ST8SIA1: variants seen among roughly 807,000 people sequenced by gnomAD.
The protein encoded by ST8SIA1 is ST8 alpha-N-acetyl-neuraminide alpha-2,8-sialyltransferase 1.
ST8SIA1 carries 16 observed loss-of-function variants against 35.9 expected under a neutral mutation model. The ratio of observed to expected loss-of-function variants is 0.45; its 90% CI spans 0.30 to 0.68. The LOEUF (loss-of-function observed/expected upper bound fraction) is 0.68, where lower values mean the gene tolerates loss of function less well. Among genes scored for constraint, ST8SIA1 ranks in the 30% least tolerant of loss-of-function variants. ST8SIA1 has a pLI of 0.09. For synonymous variants in ST8SIA1, 170 were observed against 169.6 expected (o/e 1.00, Z -0.02); for missense variants, 383 against 453.6 (o/e 0.84, Z 1.41).
At chr12:22,256,191 T>G (rs1383699650) in intron 2 of ST8SIA1, among the ~76,000 whole-genome samples, 1 of 152,202 alleles carries the variant, frequency 6.6e-6, no homozygotes, top group Non-Finnish European at 1.5e-5. Context: ...GGTGGGTCTG[T>G]CTAGAGCTTA....
At chr12:22,291,896 C>T (rs1866180969) in intron 1 of ST8SIA1, among the ~76,000 whole-genome samples, 1 of 151,948 alleles carries the variant, frequency 6.6e-6, no homozygotes, top group Non-Finnish European at 1.5e-5. Flanking sequence ...TAAGTCAGAG[C>T]GTGTCTGGAA....
chr12:22,271,937 T>C (rs942053577), intron 2 of ST8SIA1, among the ~76,000 whole-genome samples: 1 of 152,228 alleles, frequency 6.6e-6, no homozygotes, highest in African/African-American at 2.4e-5. Context: ...ACATAATCTA[T>C]GACATTTTAT....
intron 4 of ST8SIA1, among the ~76,000 whole-genome samples, chr12:22,222,324 A>G (rs1865308868): frequency 6.6e-6 from 1 of 152,192 alleles, no homozygotes; most frequent in Admixed American, 6.5e-5. Context: ...CATGTTCAGC[A>G]AGAGAAGCTG....
intron 1 of ST8SIA1, among the ~76,000 whole-genome samples, chr12:22,318,129 T>C (rs1483977376): frequency 6.6e-6 from 1 of 152,226 alleles, no homozygotes; most frequent in Non-Finnish European, 1.5e-5. Flanking sequence ...GTTTGATTAA[T>C]ACACTTGCAT....
At position 22,232,407 on chromosome 12, in the gene ST8SIA1, T is replaced by C. The variant is rs186828125; in HGVS notation, c.584+16599A>G. ...AAGGGGGACTCCAATTCAAGGTTTT[T>C]GAGCTGAGCAAATGAAAAATGGAGT... is the stretch of plus-strand genomic sequence containing the variant. On this transcript the variant is annotated intron_variant, in intron 4 of 4. Transcript: ENST00000396037. Among the ~76,000 whole-genome samples, 111 of 152,290 alleles carry C rather than the reference T, an allele frequency of 7.3e-4. 1 individual carries two copies. Among genetic ancestry groups the C allele is most frequent in the Middle Eastern group, 3.4e-3 (1 of 294 alleles).
chr12:22,207,996 A>G (rs1865132529), intron 4 of ST8SIA1, among the ~76,000 whole-genome samples: 1 of 152,008 alleles, frequency 6.6e-6, no homozygotes, highest in South Asian at 2.1e-4. Flanking sequence ...TACAAAAATT[A>G]GCTGGGTGTG....
At chr12:22,269,978 T>C (rs1484259655) in intron 2 of ST8SIA1, among the ~76,000 whole-genome samples, 1 of 152,182 alleles carries the variant, frequency 6.6e-6, no homozygotes, top group Non-Finnish European at 1.5e-5. Context: ...TCTCCATCCG[T>C]TTCCAAGGAA....
At chr12:22,278,027 C>G (rs1009330862) in intron 2 of ST8SIA1, among the ~76,000 whole-genome samples, 3 of 152,202 alleles carry the variant, frequency 2.0e-5, no homozygotes, top group African/African-American at 7.2e-5. Flanking sequence ...ACAGTCCCTA[C>G]CACACAGCAG....
chr12:22,310,444 C>T (rs1866435862), intron 1 of ST8SIA1, among the ~76,000 whole-genome samples: 1 of 152,152 alleles, frequency 6.6e-6, no homozygotes, highest in East Asian at 1.9e-4. Flanking sequence ...GAGCAAGAGT[C>T]AGTGCAATAA....
intron 2 of ST8SIA1, among the ~76,000 whole-genome samples, chr12:22,273,753 A>G (rs2284857): frequency 0.054 from 8,197 of 152,238 alleles, 327 homozygotes; most frequent in East Asian, 0.15. Flanking sequence ...GAACTCATTC[A>G]TTCATTCATT....
intron 2 of ST8SIA1, among the ~76,000 whole-genome samples, chr12:22,273,107 G>A (rs1163311614): frequency 6.6e-6 from 1 of 152,172 alleles, no homozygotes; most frequent in African/African-American, 2.4e-5. Flanking sequence ...ACAGGAGGCA[G>A]ACAAATGCCT....
chr12:22,329,174 T>C (rs530187459), intron 1 of ST8SIA1, among the ~76,000 whole-genome samples: 96 of 152,280 alleles, frequency 6.3e-4, no homozygotes, highest in Non-Finnish European at 1.1e-3. Flanking sequence ...GAGAGATGTA[T>C]ACAGCATTGC....
chr12:22,235,963 T>C (rs1191289945), intron 4 of ST8SIA1, among the ~76,000 whole-genome samples: 1 of 151,990 alleles, frequency 6.6e-6, no homozygotes, highest in African/African-American at 2.4e-5. Context: ...CAAAAATGCA[T>C]GGCTACATTA....
rs149108099 is a variant in ST8SIA1 at position 22,285,981 on chromosome 12, G to A, written c.381+1168C>T. On this transcript the variant is annotated intron_variant, in intron 2 of 4. Transcript: ENST00000396037. Reference sequence around the variant, plus strand: ...CAAGTGCTGCTCTAGCCATCATAGAGACAAGACAGCTAAATCTCAGACGAC... The same window carrying A: ...CAAGTGCTGCTCTAGCCATCATAGAAACAAGACAGCTAAATCTCAGACGAC... Among the ~76,000 whole-genome samples, 245 of 151,570 alleles carry A rather than the reference G, an allele frequency of 1.6e-3. 1 individual carries two copies. The highest frequency in any genetic ancestry group is 5.4e-3 in the African/African-American group (225 of 41,328).
At chr12:22,256,804 G>C (rs1319146986) in intron 2 of ST8SIA1, among the ~76,000 whole-genome samples, 1 of 152,116 alleles carries the variant, frequency 6.6e-6, no homozygotes, top group Non-Finnish European at 1.5e-5. Context: ...AGAGAGTTAA[G>C]AATTTCCTGC....
At chr12:22,231,592 G>T (rs1591829821) in intron 4 of ST8SIA1, among the ~76,000 whole-genome samples, 3 of 148,988 alleles carry the variant, frequency 2.0e-5, no homozygotes, top group African/African-American at 7.4e-5. Context: ...TTTTTTTTTT[G>T]AGATGGAGTC....
At chr12:22,262,383 T>C (rs1406148487) in intron 2 of ST8SIA1, among the ~76,000 whole-genome samples, 2 of 152,110 alleles carry the variant, frequency 1.3e-5, no homozygotes, top group African/African-American at 4.8e-5. Context: ...CTCTTCCTCC[T>C]CTCCTTGTGC....
chr12:22,232,177 A>G (rs1298816662), intron 4 of ST8SIA1, among the ~76,000 whole-genome samples: 1 of 152,202 alleles, frequency 6.6e-6, no homozygotes, highest in East Asian at 1.9e-4. Flanking sequence ...ACCAGGGTAT[A>G]TGAAAGTGGT....
chr12:22,196,793 G>A lies in ST8SIA1; in HGVS notation c.*4759C>T, dbSNP rs1343377029. On this transcript the variant is annotated 3_prime_UTR_variant, in exon 5 of 5. Coordinates refer to ENST00000396037, the MANE Select transcript of ST8SIA1 (RefSeq NM_003034.4). Reference sequence around the variant, plus strand: ...CAAAACACCCACATTTAGACAGCACGAGTTTAAGCAAAAACAAAACAGTTT... The same window carrying A: ...CAAAACACCCACATTTAGACAGCACAAGTTTAAGCAAAAACAAAACAGTTT... 1.3e-5 allele frequency: 2 copies of A among 152,146 alleles called. No individual in the cohort carries two copies. Among genetic ancestry groups the A allele is most frequent in the Admixed American group, 6.6e-5 (1 of 15,260 alleles). 9.4% of individuals were successfully genotyped at this position (152,146 alleles called of 1,614,324 possible).
Sources: allele counts gnomAD v4.1 joint callset (sites outside exome capture counted in the v4.1 genomes callset), GRCh38; gene constraint gnomAD v4.1.1; transcripts MANE v1.5; gene names NCBI Gene and HGNC (gene_info 2026-07-23, HGNC 2026-07-21).